Variants in LGR6 observed in about 807,000 individuals in gnomAD.
LGR6 encodes leucine rich repeat containing G protein-coupled receptor 6, also known as leucine-rich repeat-containing G protein-coupled receptor 6.
Under a neutral mutation model 69.4 loss-of-function variants are expected in LGR6, and 45 were observed. The ratio of observed to expected loss-of-function variants is 0.65; its 90% CI spans 0.51 to 0.83. The LOEUF is 0.83. Among genes scored for constraint, LGR6 ranks in the 40% least tolerant of loss-of-function variants. The pLI, the probability that LGR6 is intolerant of heterozygous loss-of-function variation, is 0.00. For missense variants in LGR6, 1,108 were observed against 1,246.7 expected (o/e 0.89, Z 1.68); for synonymous variants, 538 against 555.0 (o/e 0.97, Z 0.43).
chr1:202,265,308 C>A (rs1664557326), intron 4 of LGR6, among the ~76,000 whole-genome samples: 1 of 152,186 alleles, frequency 6.6e-6, no homozygotes, highest in Non-Finnish European at 1.5e-5. Context: ...GGCTCCGACT[C>A]CCCAGAGTTG....
At chr1:202,247,313 C>T (rs1662792872) in intron 4 of LGR6, among the ~76,000 whole-genome samples, 1 of 152,214 alleles carries the variant, frequency 6.6e-6, no homozygotes, top group Non-Finnish European at 1.5e-5. Flanking sequence ...GGACCCATCC[C>T]TCCACCCCCC....
At position 202,263,209 on chromosome 1, in the gene LGR6, G is replaced by A. The variant is rs571636409; in HGVS notation, c.429-13097G>A. 8.7e-4 allele frequency among the ~76,000 whole-genome samples: 133 copies of A among 152,024 alleles called. 1 individual carries two copies. The highest frequency in any genetic ancestry group is 3.0e-3 in the African/African-American group (124 of 41,426). ...ACGATCTTGGCGCACTGCAACCTCC[G>A]CCTCCCGGGTTCAAGCAATTCTCCT... is the stretch of plus-strand genomic sequence containing the variant. On this transcript the variant is annotated intron_variant, in intron 4 of 17. Transcript: ENST00000367278.
intron 16 of LGR6, among the ~76,000 whole-genome samples, chr1:202,311,929 A>G (rs935507200): frequency 6.6e-6 from 1 of 152,078 alleles, no homozygotes; most frequent in African/African-American, 2.4e-5. Context: ...GGGTATGAGG[A>G]CCCGATGAGG....
intron 6 of LGR6, among the ~76,000 whole-genome samples, chr1:202,292,065 G>A (rs748634711): frequency 1.5e-4 from 23 of 152,158 alleles, no homozygotes; most frequent in Non-Finnish European, 3.1e-4. Context: ...GGCATGAGGG[G>A]CGCAAGTAAC....
In LGR6 at chr1:202,276,157, G is replaced by A. The variant is rs144863650; in HGVS notation, c.429-149G>A. ...GCCAAATATGGGAACTCGAAGAGGC[G>A]GGATACAGGATACATGGTGGCCAAG... On this transcript the variant is annotated intron_variant, in intron 4 of 17. Transcript: ENST00000367278. 314 of 622,556 alleles carry A rather than the reference G, an allele frequency of 5.0e-4. 1 individual carries two copies. The East Asian group carries it at 8.1e-3, about 16-fold the overall frequency. The allele number at this position is 622,556 out of a possible 1,614,324, so 38.6% of individuals were successfully genotyped here. A position where few individuals can be genotyped will look rare whatever the true frequency, so the allele number is the denominator to read the frequency against.
Position 202,276,286 on chromosome 1 carries a change from T to C in LGR6, c.429-20T>C, listed in dbSNP as rs1167922591. 6.2e-7 allele frequency: 1 copy of C among 1,605,016 alleles called. No individual in the cohort carries two copies. Among genetic ancestry groups the C allele is most frequent in the Non-Finnish European group, 8.5e-7 (1 of 1,173,436 alleles). On this transcript the variant is annotated intron_variant, in intron 4 of 17. Coordinates refer to ENST00000367278, the MANE Select transcript of LGR6 (RefSeq NM_001017403.2). ...GCATCTTGCCCTGGATTGACCCCTC[T>C]CCATCCTCTCTTCCACCAGGCGCCT...
intron 11 of LGR6, among the ~76,000 whole-genome samples, chr1:202,305,433 C>T (rs999747331): frequency 6.6e-6 from 1 of 152,178 alleles, no homozygotes; most frequent in Non-Finnish European, 1.5e-5. Context: ...TCACCACGCC[C>T]CTCTCACTTC....
In LGR6 at chr1:202,310,302, T is replaced by G; in HGVS notation, c.1512T>G (p.Asp504Glu). The G allele has an allele frequency of 6.2e-7, 1 of 1,613,956 alleles. No individual in the cohort carries two copies. Among genetic ancestry groups the G allele is most frequent in the Non-Finnish European group, 8.5e-7 (1 of 1,179,988 alleles). Residue 504 changes from aspartate (D) to glutamate (E), a missense_variant, in exon 16 of 18, where the codon GAT (aspartate) becomes GAG (glutamate). Asp to Glu is a conservative substitution (Grantham distance 45). Coordinates refer to ENST00000367278, the MANE Select transcript of LGR6 (RefSeq NM_001017403.2). Reference sequence around the variant, plus strand: ...AGGCTGAAGACCTTCACCTTGATGATGAGGAGTCTTCAAAAAGGCCCCTGG... The same window carrying G: ...AGGCTGAAGACCTTCACCTTGATGAGGAGGAGTCTTCAAAAAGGCCCCTGG... ...QWEAEDLHLD[D>E]EESSKRPLGL...
At chr1:202,250,026 A>G (rs1387090238) in intron 4 of LGR6, among the ~76,000 whole-genome samples, 1 of 152,234 alleles carries the variant, frequency 6.6e-6, no homozygotes, top group Non-Finnish European at 1.5e-5. Context: ...GCTCCTGCCC[A>G]TCTCTCACCA....
chr1:202,266,904 G>GCACA (rs373412296), intron 4 of LGR6, among the ~76,000 whole-genome samples: 20 of 150,798 alleles, frequency 1.3e-4, no homozygotes, highest in African/African-American at 4.9e-4. Flanking sequence ...TCTAACGCGC[G>GCACA]CACACACACA....
At chr1:202,204,595 C>T (rs1558003825) in intron 1 of LGR6, among the ~76,000 whole-genome samples, 14 of 138,244 alleles carry the variant, frequency 1.0e-4, no homozygotes, top group Non-Finnish European at 1.7e-4. Flanking sequence ...CTCCTTCAAA[C>T]ACACACACCT....
At chr1:202,279,678 A>G (rs1257175282) in intron 5 of LGR6, among the ~76,000 whole-genome samples, 1 of 152,222 alleles carries the variant, frequency 6.6e-6, no homozygotes, top group African/African-American at 2.4e-5. Context: ...TGCTCCAGAA[A>G]CATCAATTAT....
In LGR6 at chr1:202,268,617, G is replaced by A. The variant is rs796760330; in HGVS notation, c.429-7689G>A. Among the ~76,000 whole-genome samples the A allele has an allele frequency of 6.6e-6, 1 of 152,148 alleles. No homozygotes were observed. The highest frequency in any genetic ancestry group is 1.5e-5 in the Non-Finnish European group (1 of 68,038). ...CTATGTAGCCAAGTAGGGGTGGGGGGTTCAGAGATGAAAACCAGCCCTGGG... is the reference window on the plus strand; with the variant it reads ...CTATGTAGCCAAGTAGGGGTGGGGGATTCAGAGATGAAAACCAGCCCTGGG... On this transcript the variant is annotated intron_variant, in intron 4 of 17. Transcript: ENST00000367278. The surrounding 1 kb of genome is among the most constrained non-coding windows in gnomAD (Gnocchi z 4.4).
chr1:202,214,268 G>C (rs1252960404), intron 1 of LGR6: 2 of 1,516,328 alleles, frequency 1.3e-6, no homozygotes, highest in Admixed American at 2.3e-5. Context: ...CCGAGCTCCG[G>C]AAAGTTCCAC....
intron 1 of LGR6, among the ~76,000 whole-genome samples, chr1:202,219,587 G>A (rs1315531732): frequency 6.6e-6 from 1 of 152,180 alleles, no homozygotes; most frequent in Non-Finnish European, 1.5e-5. Flanking sequence ...GCAGCTGGGG[G>A]AGACATTGAC....
intron 4 of LGR6, among the ~76,000 whole-genome samples, chr1:202,252,370 A>G (rs542251385): frequency 1.3e-5 from 2 of 152,126 alleles, no homozygotes; most frequent in Admixed American, 6.6e-5. Flanking sequence ...GAATAATTCC[A>G]TCTGACTCTG....
intron 1 of LGR6, among the ~76,000 whole-genome samples, chr1:202,212,691 G>A (rs1659508613): frequency 6.6e-6 from 1 of 152,218 alleles, no homozygotes; most frequent in African/African-American, 2.4e-5. Context: ...AGATAATCCA[G>A]GAGGATCTCC....
intron 9 of LGR6, 145 bp from the exon 10 acceptor site, chr1:202,303,134 G>A (rs150115987): frequency 4.5e-5 from 31 of 684,618 alleles, no homozygotes; most frequent in African/African-American, 1.6e-4. Context: ...GAGGGCCTGC[G>A]TGGCTGACTT....
intron 6 of LGR6, among the ~76,000 whole-genome samples, chr1:202,284,499 C>T (rs191461542): frequency 6.6e-5 from 10 of 152,314 alleles, no homozygotes; most frequent in Non-Finnish European, 1.5e-4. Flanking sequence ...CTTTGTAATA[C>T]GTTGCTTCAC....
Sources: gnomAD v4.1 joint callset for allele counts (sites outside exome capture counted in the v4.1 genomes callset) on GRCh38, gnomAD v4.1.1 for gene constraint, Gnocchi (gnomAD v3.1) non-coding constraint, MANE v1.5 for transcripts, NCBI Gene and HGNC (gene_info 2026-07-23, HGNC 2026-07-21) for gene names.